The following MINDY4 variants were observed in gnomAD, a reference collection of about 807,000 sequenced individuals.
MINDY4 encodes the protein probable ubiquitin carboxyl-terminal hydrolase MINDY-4.
Under a neutral mutation model 87.0 loss-of-function variants are expected in MINDY4, and 68 were observed. That is an observed-to-expected ratio of 0.78 (90% CI 0.64 to 0.96). MINDY4 has a LOEUF of 0.96. MINDY4 is among the 40% of genes least tolerant of loss of function. The pLI is 0.00. For missense variants in MINDY4, 919 were observed against 928.2 expected (o/e 0.99, Z 0.13); for synonymous variants, 379 against 363.2 (o/e 1.04, Z -0.50).
At chr7:30,822,911 T>C (rs1170751197) in intron 5 of MINDY4, among the ~76,000 whole-genome samples, 2 of 152,140 alleles carry the variant, frequency 1.3e-5, no homozygotes, top group Non-Finnish European at 2.9e-5. Context: ...CCCAAAGGGC[T>C]GAGATTACAG....
At chr7:30,889,687 G>T (rs1790739806) in intron 17 of MINDY4, among the ~76,000 whole-genome samples, 2 of 152,184 alleles carry the variant, frequency 1.3e-5, no homozygotes, top group Non-Finnish European at 2.9e-5. Context: ...TAAATAGTCT[G>T]AAGCACTTGG....
At chr7:30,876,669 C>A (rs12669292) in intron 15 of MINDY4, among the ~76,000 whole-genome samples, 8,896 of 152,180 alleles carry the variant, frequency 0.058, 353 homozygotes, top group African/African-American at 0.1. Context: ...TTTTTCTGAG[C>A]ATTGCTTTCC....
In MINDY4 at chr7:30,891,391, C is replaced by T. The variant is rs748001180; in HGVS notation, c.2226-566C>T. The stretch of plus-strand genomic sequence containing the variant: ...CCTGGACCACAATTTAGTTATACTC[C>T]GTGCTTCTTCAGGTTAAAAAACAAA... On this transcript the variant is annotated intron_variant, in intron 17 of 17. Coordinates refer to ENST00000265299, the MANE Select transcript of MINDY4 (RefSeq NM_032222.3). Among the ~76,000 whole-genome samples the T allele has an allele frequency of 2.7e-5, 4 of 149,748 alleles. No individual in the cohort carries two copies. The East Asian group carries it at 5.8e-4, about 22-fold the overall frequency.
intron 1 of MINDY4, among the ~76,000 whole-genome samples, chr7:30,777,091 C>G (rs1333502091): frequency 6.6e-6 from 1 of 151,122 alleles, no homozygotes; most frequent in Non-Finnish European, 1.5e-5. Flanking sequence ...CTCACTGTGG[C>G]CTTGAAGTCA....
chr7:30,823,570 C>T (rs1490789054), intron 5 of MINDY4, among the ~76,000 whole-genome samples: 2 of 152,108 alleles, frequency 1.3e-5, no homozygotes, highest in East Asian at 3.9e-4. Flanking sequence ...ATTTCAATGA[C>T]TGCATTTACT....
rs745436069 is a variant in MINDY4, at chr7:30,828,725, G to C, written c.1120G>C (p.Ala374Pro). 6.2e-7 allele frequency: 1 copy of C among 1,613,290 alleles called. No individual in the cohort carries two copies. The highest frequency in any genetic ancestry group is 1.3e-5 in the African/African-American group (1 of 75,052). ...PSDKVDGELGALRLEDVEDEL... is the reference protein window; with the variant it reads ...PSDKVDGELGPLRLEDVEDEL... Reference sequence around the variant, plus strand: ...TGACAAGGTGGATGGTGAGCTGGGTGCCCTGCGGCTCGGTAGGTGCAGCGG... The same window carrying C: ...TGACAAGGTGGATGGTGAGCTGGGTCCCCTGCGGCTCGGTAGGTGCAGCGG... Residue 374 changes from alanine to proline, a missense_variant, in exon 6 of 18, where the codon GCC becomes CCC. Transcript: ENST00000265299.
Position 30,820,440 on chromosome 7 carries a change from A to G in MINDY4, c.1074-8239A>G, listed in dbSNP as rs139413978. 2.4e-3 allele frequency among the ~76,000 whole-genome samples: 362 copies of G among 152,342 alleles called. 1 individual carries two copies. The highest frequency in any genetic ancestry group is 7.8e-3 in the African/African-American group (323 of 41,582). On this transcript the variant is annotated intron_variant, in intron 5 of 17. Coordinates refer to ENST00000265299, the MANE Select transcript of MINDY4 (RefSeq NM_032222.3). ...GCATTTAGTACATTCACAGTGTTGT[A>G]TAACCACCACCTCTGTCTAGTTCTA...
intron 9 of MINDY4, among the ~76,000 whole-genome samples, chr7:30,842,159 A>G (rs1366122171): frequency 6.6e-6 from 1 of 152,206 alleles, no homozygotes; most frequent in Admixed American, 6.5e-5. Flanking sequence ...TTCCTCTCCA[A>G]CCAAAAATGC....
intron 17 of MINDY4, among the ~76,000 whole-genome samples, chr7:30,890,798 A>G (rs1271382179): frequency 6.6e-6 from 1 of 152,134 alleles, no homozygotes; most frequent in African/African-American, 2.4e-5. Context: ...AACATGGGGA[A>G]CAGTGGGTTG....
chr7:30,852,407 C>T (rs1298200269), intron 11 of MINDY4, 128 bp downstream of exon 11: 10 of 1,508,800 alleles, frequency 6.6e-6, no homozygotes, highest in South Asian at 1.3e-5. Context: ...CAGGAATCCT[C>T]ATCCTGGGAT....
At chr7:30,871,043 A>T (rs1466579667) in intron 13 of MINDY4, among the ~76,000 whole-genome samples, 1 of 143,482 alleles carries the variant, frequency 7.0e-6, no homozygotes, top group South Asian at 2.3e-4. Context: ...GGTTGTGTGT[A>T]CCCCCCTGGG....
rs931152725 is a variant in MINDY4, at chr7:30,792,173, G to A, written c.1073+599G>A. Among the ~76,000 whole-genome samples, 11 of 152,218 alleles carry A rather than the reference G, an allele frequency of 7.2e-5. No individual in the cohort carries two copies. In the East Asian group the frequency reaches 1.7e-3, roughly 24 times the overall value. On this transcript the variant is annotated intron_variant, in intron 5 of 17. Coordinates refer to ENST00000265299, the MANE Select transcript of MINDY4 (RefSeq NM_032222.3). ...TCCTTACTTTTATTCTTTACAATAA[G>A]CCTTAATGATTCCTACATTGATTGA...
intron 13 of MINDY4, among the ~76,000 whole-genome samples, chr7:30,870,700 T>C (rs1790076845): frequency 6.6e-6 from 1 of 152,256 alleles, no homozygotes; most frequent in South Asian, 2.1e-4. Context: ...TATTTTAGGC[T>C]TGTGGGCTTA....
intron 17 of MINDY4, among the ~76,000 whole-genome samples, chr7:30,888,788 A>G (rs1790708774): frequency 6.6e-6 from 1 of 152,086 alleles, no homozygotes; most frequent in African/African-American, 2.4e-5. Flanking sequence ...CTCTCCCTGC[A>G]TTTGCCCCTG....
rs557693199 is a variant in MINDY4, at chr7:30,771,875, G to A, written c.63+319G>A. On this transcript the variant is annotated intron_variant, in intron 1 of 17. Transcript: ENST00000265299. ...GGCCGCGCCAAGCAATCCTAGCGCG[G>A]GCGCACAGCGGGCAGGCCTGCGCCC... Among the ~76,000 whole-genome samples, 3 of 152,342 alleles carry A rather than the reference G, an allele frequency of 2.0e-5. No homozygotes were observed. In the South Asian group the frequency reaches 6.2e-4, roughly 32 times the overall value.
At chr7:30,850,369 G>C in intron 9 of MINDY4, 85 bp from the exon 10 acceptor site, 1 of 1,259,766 alleles carries the variant, frequency 7.9e-7, no homozygotes, top group South Asian at 1.3e-5. Context: ...CTGCGGAGGG[G>C]ACTGCCTGAC....
intron 13 of MINDY4, 132 bp downstream of exon 13, chr7:30,859,456 G>A: frequency 1.2e-6 from 1 of 860,774 alleles, no homozygotes; most frequent in Non-Finnish European, 1.9e-6. Flanking sequence ...GATGAATGAA[G>A]CAGTGGAGTA....
In MINDY4 at chr7:30,791,263, C is replaced by T; in HGVS notation, c.762C>T (p.Cys254=). ...ESRKVPELFV[C]TQQDILASSN... is the part of the protein sequence containing the mutation. ...GGAAGGTCCCTGAGCTCTTTGTCTG[C>T]ACCCAACAGGACATTCTGGCTTCGA... Residue 254 remains cysteine (C), a synonymous_variant, in exon 5 of 18, where the codon TGC becomes TGT. Transcript: ENST00000265299. 6.2e-7 allele frequency: 1 copy of T among 1,614,176 alleles called. No individual in the cohort carries two copies. Among genetic ancestry groups the T allele is most frequent in the Non-Finnish European group, 8.5e-7 (1 of 1,180,034 alleles).
At chr7:30,840,241 A>C (rs576629295) in intron 8 of MINDY4, among the ~76,000 whole-genome samples, 1 of 152,310 alleles carries the variant, frequency 6.6e-6, no homozygotes, top group African/African-American at 2.4e-5. Flanking sequence ...CAGGGTGAGA[A>C]AGGACAAAGA....
Sources: gnomAD v4.1 joint callset for allele counts (sites outside exome capture counted in the v4.1 genomes callset) on GRCh38, gnomAD v4.1.1 for gene constraint, MANE v1.5 for transcripts, NCBI Gene and HGNC (gene_info 2026-07-23, HGNC 2026-07-21) for gene names.